Variants in SPATA6L observed in about 807,000 individuals in gnomAD.
The protein encoded by SPATA6L is spermatogenesis associated 6 like.
SPATA6L carries 68 observed loss-of-function variants against 49.2 expected under a neutral mutation model. The ratio of observed to expected loss-of-function variants is 1.38; its 90% CI spans 1.14 to 1.69. The LOEUF (loss-of-function observed/expected upper bound fraction) is 1.69, where lower values mean the gene tolerates loss of function less well. Among genes scored for constraint, SPATA6L ranks in the 40% most tolerant of loss-of-function variants. SPATA6L has a pLI of 0.00. For synonymous variants in SPATA6L, 198 were observed against 165.7 expected (o/e 1.19, Z -1.50); for missense variants, 668 against 464.3 (o/e 1.44, Z -4.03).
At position 4,628,915 on chromosome 9, in the gene SPATA6L, T is replaced by C. The variant is rs370492510; in HGVS notation, c.429+176A>G. 784 of 586,062 alleles carry C rather than the reference T, an allele frequency of 1.3e-3. 16 individuals carry two copies. In the South Asian group the frequency reaches 0.016, roughly 12 times the overall value. The allele number at this position is 586,062 out of a possible 1,614,324, so 36.3% of individuals were successfully genotyped here. On this transcript the variant is annotated intron_variant, in intron 5 of 11. Transcript: ENST00000682582. ...AACGTATGTACCAAACATACTCTAA[T>C]ATGACTGGCTGAGCAAACAGTTTGA...
intron 4 of SPATA6L, among the ~76,000 whole-genome samples, chr9:4,631,890 T>G (rs1206000587): frequency 6.6e-6 from 1 of 152,084 alleles, no homozygotes; most frequent in Non-Finnish European, 1.5e-5. Flanking sequence ...TTTCTGAAAC[T>G]CTTTACACCA....
At position 4,604,367 on chromosome 9, in the gene SPATA6L, C is replaced by T. The variant is rs1824181751; in HGVS notation, c.1090-98G>A. The T allele has an allele frequency of 7.0e-6, 5 of 709,760 alleles. No homozygotes were observed. In the African/African-American group the frequency reaches 7.1e-5, roughly 10 times the overall value. The allele number at this position is 709,760 out of a possible 1,614,324, so 44.0% of individuals were successfully genotyped here. ...TTTTGCATGTAGGAGGTCTGTGCAT[C>T]CCATTTATGCCGTTATATGGGGTTC... On this transcript the variant is annotated intron_variant, in intron 10 of 11. Transcript: ENST00000682582.
chr9:4,600,631 C>T lies in SPATA6L; in HGVS notation c.*180G>A, dbSNP rs1316543943. ...AAAATGTTAGCCCCCAAACAGCAAA[C>T]ACTTTAATCAACAACTCTTACCTGG... On this transcript the variant is annotated 3_prime_UTR_variant, in exon 12 of 12. Transcript: ENST00000682582. 6.6e-6 allele frequency: 1 copy of T among 152,218 alleles called. No individual in the cohort carries two copies. The highest frequency in any genetic ancestry group is 2.4e-5 in the African/African-American group (1 of 41,458). The allele number at this position is 152,218 out of a possible 1,614,324, so 9.4% of individuals were successfully genotyped here.
rs1204907705 is a variant in SPATA6L at position 4,625,501 on chromosome 9, A to T, written c.495T>A (p.Thr165=). ...TATTCTCCTTTAGTTTCATCTTTAT[A>T]GTATTTAAGGGAAATATTGGTTCAT... ...TSHEPIFPLN[T]IKMKLKENNL... The change falls in exon 6 of 12, where the codon ACT becomes ACA. Residue 165 remains threonine, a synonymous_variant. Coordinates refer to ENST00000682582, the MANE Select transcript of SPATA6L (RefSeq NM_001353486.2). 1 of 1,613,782 alleles carries T rather than the reference A, an allele frequency of 6.2e-7. No individual in the cohort carries two copies. The highest frequency in any genetic ancestry group is 8.5e-7 in the Non-Finnish European group (1 of 1,179,912).
At chr9:4,650,548 A>G (rs573224011) in intron 3 of SPATA6L, among the ~76,000 whole-genome samples, 2 of 152,372 alleles carry the variant, frequency 1.3e-5, no homozygotes, top group South Asian at 2.1e-4. Context: ...AAAATGATCA[A>G]TAAAACTGAC....
Position 4,605,429 on chromosome 9 carries a change from C to T in SPATA6L, c.1007G>A (p.Gly336Asp). The change falls in exon 10 of 12, where the codon GGT becomes GAT. Residue 336 changes from glycine (G) to aspartate (D), a missense_variant. Gly to Asp is a moderately conservative substitution (Grantham distance 94, BLOSUM62 -1). Transcript: ENST00000682582. ...GATATTCTTCCATGTGGACTGAGAA[C>T]CAGGATGGAACCTGCTCAACAGATG... is the stretch of plus-strand genomic sequence containing the variant. ...QPLLRERFHPGSQSTWKNIHE... is the reference protein window; with the variant it reads ...QPLLRERFHPDSQSTWKNIHE... 6.2e-7 allele frequency: 1 copy of T among 1,613,752 alleles called. No individual in the cohort carries two copies. The highest frequency in any genetic ancestry group is 8.5e-7 in the Non-Finnish European group (1 of 1,179,742).
chr9:4,627,245 A>G (rs1265753600), intron 5 of SPATA6L: 1 of 154,212 alleles, frequency 6.5e-6, no homozygotes, highest in Non-Finnish European at 1.4e-5. Flanking sequence ...AGATGGTAGA[A>G]TGGAAGAGAA....
Position 4,644,675 on chromosome 9 carries a change from T to TCTC in SPATA6L, c.227-9279_227-9277dup, listed in dbSNP as rs1412036627. ...TTTCAGTATTCTCTCTCTCTCTCTC[T>TCTC]CTCTCTCTCTCACACACACACACAC... On this transcript the variant is annotated intron_variant, in intron 3 of 11. Coordinates refer to ENST00000682582, the MANE Select transcript of SPATA6L (RefSeq NM_001353486.2). Among the ~76,000 whole-genome samples, 372 of 132,198 alleles carry TCTC rather than the reference T, an allele frequency of 2.8e-3. 4 individuals carry two copies. The highest frequency in any genetic ancestry group is 0.012 in the African/African-American group (358 of 29,226). 86.7% of individuals were successfully genotyped at this position (132,198 alleles called of 152,430 possible).
At chr9:4,631,834 G>A (rs552031692) in intron 4 of SPATA6L, among the ~76,000 whole-genome samples, 3 of 152,116 alleles carry the variant, frequency 2.0e-5, no homozygotes, top group South Asian at 2.1e-4. Context: ...AGGCCAGCAC[G>A]AGGGTCCCTC....
chr9:4,653,519 T>C (rs1323990792), intron 3 of SPATA6L, among the ~76,000 whole-genome samples: 5 of 152,142 alleles, frequency 3.3e-5, no homozygotes, highest in African/African-American at 1.2e-4. Flanking sequence ...TTCATCAAAA[T>C]TAAAAACTTT....
In SPATA6L at chr9:4,599,578, T is replaced by A. The variant is rs1822740123; in HGVS notation, c.*1233A>T. On this transcript the variant is annotated 3_prime_UTR_variant, in exon 12 of 12. Transcript: ENST00000682582. ...AACTACAGGAATTCATTTCTCACAG[T>A]TCTGGAAGCTGGGAAGTCCAAGATC... Among the ~76,000 whole-genome samples the A allele has an allele frequency of 1.3e-5, 2 of 152,180 alleles. No individual in the cohort carries two copies.
chr9:4,604,729 A>C (rs912204242), intron 10 of SPATA6L, among the ~76,000 whole-genome samples: 2 of 152,212 alleles, frequency 1.3e-5, no homozygotes, highest in Admixed American at 6.5e-5. Flanking sequence ...AAGAGGACTA[A>C]TTCAACTACA....
At chr9:4,620,086 A>G (rs1204380469) in intron 7 of SPATA6L, among the ~76,000 whole-genome samples, 1 of 152,096 alleles carries the variant, frequency 6.6e-6, no homozygotes, top group Non-Finnish European at 1.5e-5. Flanking sequence ...TTGGGCATAT[A>G]CATATGTGTG....
chr9:4,662,994 A>C lies in SPATA6L; in HGVS notation c.40-958T>G. 1.9e-6 allele frequency: 3 copies of C among 1,610,330 alleles called. No individual in the cohort carries two copies. The highest frequency in any genetic ancestry group is 2.5e-6 in the Non-Finnish European group (3 of 1,178,846). On this transcript the variant is annotated intron_variant, in intron 1 of 11. Transcript: ENST00000682582. This position sits in a 1 kb window ranked among gnomAD's most constrained non-coding sequence, Gnocchi z 4.9. ...CATGTTTGTCACTCTCTCGGTGGAC[A>C]AGTACTCCTTCCCCTCGGGCCATGC...
rs184657051 is a variant in SPATA6L, at chr9:4,621,416, C to T, written c.772+992G>A. 1.7e-3 allele frequency among the ~76,000 whole-genome samples: 258 copies of T among 152,236 alleles called. 1 individual carries two copies. Among genetic ancestry groups the T allele is most frequent in the African/African-American group, 5.6e-3 (232 of 41,528 alleles). On this transcript the variant is annotated intron_variant, in intron 7 of 11. Transcript: ENST00000682582. ...TTTCATTCCCATTCTCTCACCACTG[C>T]ACAATGGAGTTTTCCAAAAGCTACA... is the stretch of plus-strand genomic sequence containing the variant.
At chr9:4,626,219 G>T in intron 5 of SPATA6L, 1 of 293,710 alleles carries the variant, frequency 3.4e-6, no homozygotes, top group South Asian at 6.4e-5. Context: ...CTTAACAGCT[G>T]CAAATGGCTC....
At chr9:4,612,582 G>A (rs1827027855) in intron 9 of SPATA6L, among the ~76,000 whole-genome samples, 1 of 152,184 alleles carries the variant, frequency 6.6e-6, no homozygotes, top group Non-Finnish European at 1.5e-5. Flanking sequence ...CGGACTTGCA[G>A]TTTCATTTAT....
intron 3 of SPATA6L, among the ~76,000 whole-genome samples, chr9:4,636,580 T>C (rs1444247302): frequency 2.0e-5 from 3 of 152,158 alleles, no homozygotes; most frequent in African/African-American, 7.2e-5. Flanking sequence ...AAAGTAACTA[T>C]AGCCAATGAG....
chr9:4,625,589 A>AT (rs34685950), intron 5 of SPATA6L, 23 bp from the exon 6 acceptor site: 2 of 1,430,212 alleles, frequency 1.4e-6, no homozygotes, highest in Non-Finnish European at 1.9e-6. Context: ...AAAAAAGAAT[A>AT]TTTTTTAAAA....
Sources: allele counts gnomAD v4.1 joint callset (sites outside exome capture counted in the v4.1 genomes callset), GRCh38; gene constraint gnomAD v4.1.1; non-coding constraint Gnocchi (gnomAD v3.1); transcripts MANE v1.5; gene names NCBI Gene and HGNC (gene_info 2026-07-23, HGNC 2026-07-21).